Variants in ACAP3 observed in about 807,000 individuals in gnomAD.
ACAP3 encodes the protein arf-GAP with coiled-coil, ANK repeat and PH domain-containing protein 3.
In ACAP3, 56 loss-of-function variants were observed where a neutral mutation model predicts 104.1. The observed-to-expected ratio is 0.54, with a 90% confidence interval of 0.43 to 0.67. ACAP3 has a LOEUF of 0.67. ACAP3 is among the 30% of genes least tolerant of loss of function. ACAP3 has a pLI of 0.00. For missense variants in ACAP3, 1,208 were observed against 1,174.9 expected, an observed-to-expected ratio of 1.03 and a Z score of -0.41; for synonymous variants, 628 against 496.2, an observed-to-expected ratio of 1.27 and a Z score of -3.53.
chr1:1,298,808 C>T (rs1316960705), intron 10 of ACAP3, 129 bp from the exon 11 acceptor site: 1 of 701,864 alleles, frequency 1.4e-6, no homozygotes, highest in South Asian at 1.6e-5. Flanking sequence ...ACCACACGCT[C>T]AGACGAGAGA....
chr1:1,296,117 G>C lies in ACAP3; in HGVS notation c.1408-8C>G. ...TCCAAGCTCACACATCAGCTAGCGG[G>C]AGACAGGGCGAGCAGGCATCAGTGC... is the stretch of plus-strand genomic sequence containing the variant. On this transcript the variant is annotated splice_polypyrimidine_tract_variant and splice_region_variant and intron_variant, in intron 16 of 23. Transcript: ENST00000354700. 6.2e-7 allele frequency: 1 copy of C among 1,612,656 alleles called. No individual in the cohort carries two copies. The highest frequency in any genetic ancestry group is 8.5e-7 in the Non-Finnish European group (1 of 1,179,920).
chr1:1,299,400 A>G (rs778157448), intron 9 of ACAP3, 44 bp from the exon 10 acceptor site: 2 of 1,502,550 alleles, frequency 1.3e-6, no homozygotes, highest in South Asian at 1.3e-5. Context: ...AAAGCCAGTG[A>G]GTGACGGCTG....
intron 14 of ACAP3, among the ~76,000 whole-genome samples, 199 bp from the exon 15 acceptor site, chr1:1,296,832 C>T (rs1281675667): frequency 1.4e-5 from 2 of 146,982 alleles, no homozygotes; most frequent in Non-Finnish European, 1.5e-5. Flanking sequence ...CGCACACACG[C>T]GCACACCCTC....
At chr1:1,299,705 G>A (rs1208298374) in intron 9 of ACAP3, 126 bp downstream of exon 9, 16 of 1,132,364 alleles carry the variant, frequency 1.4e-5, no homozygotes, top group Non-Finnish European at 1.9e-5. Context: ...CCCCTAGAGA[G>A]GGTGTGGGCA....
At position 1,303,552 on chromosome 1, in the gene ACAP3, C is replaced by T. The variant is rs1217961159; in HGVS notation, c.106-271G>A. On this transcript the variant is annotated intron_variant, in intron 2 of 23. Coordinates refer to ENST00000354700, the MANE Select transcript of ACAP3 (RefSeq NM_030649.3). This position sits in a 1 kb window ranked among gnomAD's most constrained non-coding sequence, Gnocchi z 4.0. ...CCCAGGGCCAGCAGGACCAGCAGAA[C>T]CAGCCCATGTGGGGCTCATGGATAA... is the stretch of plus-strand genomic sequence containing the variant. 1 of 563,298 alleles carries T rather than the reference C, an allele frequency of 1.8e-6. No individual in the cohort carries two copies. Among genetic ancestry groups the T allele is most frequent in the African/African-American group, 1.9e-5 (1 of 52,746 alleles). 34.9% of individuals were successfully genotyped at this position (563,298 alleles called of 1,614,324 possible). A position where few individuals can be genotyped will look rare whatever the true frequency, so the allele number is the denominator to read the frequency against.
rs757035886 is a variant in ACAP3, at chr1:1,300,018, G to A, written c.618C>T (p.Ser206=). The A allele has an allele frequency of 2.5e-6, 4 of 1,612,550 alleles. No individual in the cohort carries two copies. Among genetic ancestry groups the A allele is most frequent in the Admixed American group, 1.7e-5 (1 of 59,998 alleles). ...AQSSFFQQGY[S]LLHQLDPYMK... ...TGTAGGGGTCCAGCTGGTGCAGGAG[G>A]CTGTAGCCCTGCTGGAAGAAGCTGG... Residue 206 remains serine, a synonymous_variant, in exon 8 of 24, where the codon AGC becomes AGT. Coordinates refer to ENST00000354700, the MANE Select transcript of ACAP3 (RefSeq NM_030649.3).
In ACAP3 at chr1:1,296,418, G is replaced by C. The variant is rs1337063112; in HGVS notation, c.1337+7C>G. On this transcript the variant is annotated splice_region_variant and intron_variant, in intron 15 of 23. Coordinates refer to ENST00000354700, the MANE Select transcript of ACAP3 (RefSeq NM_030649.3). ...CCCCACCCCCAGCCTGGCCCTCAGG[G>C]GCCCACCTGTGGATGCCGGAGCACT... 1 of 1,545,486 alleles carries C rather than the reference G, an allele frequency of 6.5e-7. No homozygotes were observed. Among genetic ancestry groups the C allele is most frequent in the Non-Finnish European group, 8.7e-7 (1 of 1,145,914 alleles).
At chr1:1,307,329 C>G in intron 1 of ACAP3, 1 of 1,289,392 alleles carries the variant, frequency 7.8e-7, no homozygotes, top group Non-Finnish European at 1.0e-6. Context: ...CGTTTCCAAG[C>G]ACCCTACCCC....
intron 1 of ACAP3, chr1:1,307,225 G>A (rs573727809): frequency 3.1e-6 from 4 of 1,286,978 alleles, no homozygotes; most frequent in South Asian, 1.2e-5. Context: ...ATGCAGACTC[G>A]GTGTGCACAC....
Position 1,296,049 on chromosome 1 carries a change from C to T in ACAP3, c.1468G>A (p.Ala490Thr), listed in dbSNP as rs1234742197. 3.7e-6 allele frequency: 6 copies of T among 1,612,820 alleles called. No homozygotes were observed. The highest frequency in any genetic ancestry group is 5.1e-6 in the Non-Finnish European group (6 of 1,179,980). The change falls in exon 17 of 24, where the codon GCA becomes ACA. Residue 490 changes from alanine to threonine, a missense_variant. Transcript: ENST00000354700. ...NQIYEAQCEG[A>T]GSRKPTASSS... The stretch of plus-strand genomic sequence containing the variant: ...CTGGCTGTGGGTTTCCTGCTGCCTG[C>T]ACCCTCACACTGGGCCTCATAGATC...
At position 1,307,753 on chromosome 1, in the gene ACAP3, GC is replaced by G. The variant is rs1476481330; in HGVS notation, c.47+15del. 9.1e-6 allele frequency: 10 copies of G among 1,097,688 alleles called. No homozygotes were observed. Among genetic ancestry groups the G allele is most frequent in the Admixed American group, 5.2e-5 (1 of 19,180 alleles). 68.0% of individuals were successfully genotyped at this position (1,097,688 alleles called of 1,614,324 possible). A position where few individuals can be genotyped will look rare whatever the true frequency, so the allele number is the denominator to read the frequency against. ...CCCCCGGCCTGCGCCCACCCCGGCG[GC>G]CCCGGGCGGCGCACCTGAAGCGCGG... On this transcript the variant is annotated intron_variant, in intron 1 of 23. Transcript: ENST00000354700.
chr1:1,302,873 C>T (rs369530121), intron 4 of ACAP3, 49 bp downstream of exon 4: 49 of 1,559,248 alleles, frequency 3.1e-5, no homozygotes, highest in Non-Finnish European at 3.5e-5. Context: ...CAGCGCAGCT[C>T]GGTTCCAGGC....
intron 21 of ACAP3, 97 bp downstream of exon 21, chr1:1,294,305 C>T (rs1320019322): frequency 1.3e-6 from 2 of 1,512,468 alleles, no homozygotes; most frequent in Non-Finnish European, 1.8e-6. Context: ...CGAACGTGGT[C>T]CCCACCGCGG....
chr1:1,307,485 G>T, intron 1 of ACAP3: 1 of 1,267,474 alleles, frequency 7.9e-7, no homozygotes. Flanking sequence ...GCTCAGCCCA[G>T]TGGAGGTGCA....
chr1:1,295,599 G>A, intron 18 of ACAP3, 45 bp from the exon 19 acceptor site: 4 of 1,594,354 alleles, frequency 2.5e-6, no homozygotes, highest in Non-Finnish European at 3.4e-6. Context: ...GGCCCGGGGT[G>A]GGGCAGGGAA....
chr1:1,307,335 A>G, intron 1 of ACAP3: 1 of 1,289,416 alleles, frequency 7.8e-7, no homozygotes, highest in South Asian at 1.2e-5. Context: ...CAAGCACCCT[A>G]CCCCAGGCCT....
At position 1,292,433 on chromosome 1, in the gene ACAP3, AC is replaced by A. The variant is rs750442503; in HGVS notation, c.*1130del. 3.3e-5 allele frequency: 5 copies of A among 152,126 alleles called. No homozygotes were observed. The highest frequency in any genetic ancestry group is 7.3e-5 in the Non-Finnish European group (5 of 68,074). The allele number at this position is 152,126 out of a possible 1,614,324, so 9.4% of individuals were successfully genotyped here. ...TTCAAAGCGAGGGGTGGGGGGTGAG[AC>A]CCGCCAGCAGGGGCCTGGGGCAAGA... On this transcript the variant is annotated 3_prime_UTR_variant, in exon 24 of 24. Transcript: ENST00000354700.
chr1:1,307,758 G>T lies in ACAP3; in HGVS notation c.47+11C>A. 1.8e-6 allele frequency: 2 copies of T among 1,096,860 alleles called. No individual in the cohort carries two copies. Among genetic ancestry groups the T allele is most frequent in the Non-Finnish European group, 1.1e-6 (1 of 901,944 alleles). The allele number at this position is 1,096,860 out of a possible 1,614,324, so 67.9% of individuals were successfully genotyped here. On this transcript the variant is annotated intron_variant, in intron 1 of 23. Transcript: ENST00000354700. ...GGCCTGCGCCCACCCCGGCGGCCCCGGGCGGCGCACCTGAAGCGCGGGGAG... is the reference window on the plus strand; with the variant it reads ...GGCCTGCGCCCACCCCGGCGGCCCCTGGCGGCGCACCTGAAGCGCGGGGAG...
chr1:1,300,782 G>GT (rs1557606384), intron 5 of ACAP3, 90 bp from the exon 6 acceptor site: 3 of 1,428,560 alleles, frequency 2.1e-6, no homozygotes, highest in African/African-American at 2.9e-5. Context: ...TGTGTTTTTT[G>GT]TTTTTTGAGA....
Sources: gnomAD v4.1 joint callset for allele counts (sites outside exome capture counted in the v4.1 genomes callset) on GRCh38, gnomAD v4.1.1 for gene constraint, Gnocchi (gnomAD v3.1) non-coding constraint, MANE v1.5 for transcripts, NCBI Gene and HGNC (gene_info 2026-07-23, HGNC 2026-07-21) for gene names.